CNTN4: variants seen among roughly 807,000 people sequenced by gnomAD.
The protein encoded by CNTN4 is contactin-4.
CNTN4 carries 77 observed loss-of-function variants against 122.5 expected under a neutral mutation model. The observed-to-expected ratio is 0.63, with a 90% CI of 0.52 to 0.76. CNTN4 has a LOEUF of 0.76. Among genes scored for constraint, CNTN4 ranks in the 30% least tolerant of loss-of-function variants. CNTN4 has a pLI of 0.00. For synonymous variants in CNTN4, 512 were observed against 447.0 expected (o/e 1.15, Z -1.83); for missense variants, 1,256 against 1,259.1 (o/e 1.00, Z 0.04).
chr3:2,627,783 G>A (rs763032403), intron 4 of CNTN4, among the ~76,000 whole-genome samples: 27 of 152,110 alleles, frequency 1.8e-4, no homozygotes, highest in South Asian at 4.1e-4. Flanking sequence ...GTGAGCCACC[G>A]TGCCTGGCCA....
At chr3:2,669,958 C>T (rs546212696) in intron 4 of CNTN4, among the ~76,000 whole-genome samples, 10 of 152,286 alleles carry the variant, frequency 6.6e-5, no homozygotes, top group African/African-American at 2.4e-4. Context: ...GTCTGACAGA[C>T]AATTTGTTAT....
rs1350525303 is a variant in CNTN4, at chr3:2,845,272, T to C, written c.455-21480T>C. Among the ~76,000 whole-genome samples the C allele has an allele frequency of 2.0e-5, 3 of 152,230 alleles. No individual in the cohort carries two copies. In the East Asian group the frequency reaches 5.8e-4, roughly 29 times the overall value. On this transcript the variant is annotated intron_variant, in intron 7 of 24. Transcript: ENST00000418658. ...AACTCTTTTGTAAGGAAACCAAAACTGTAAATGAGAGTTGTCAATGCATGA... is the reference window on the plus strand; with the variant it reads ...AACTCTTTTGTAAGGAAACCAAAACCGTAAATGAGAGTTGTCAATGCATGA...
chr3:2,806,420 G>C (rs1218481138), intron 6 of CNTN4, among the ~76,000 whole-genome samples: 1 of 152,192 alleles, frequency 6.6e-6, no homozygotes, highest in Non-Finnish European at 1.5e-5. Flanking sequence ...AGGGAGGGCT[G>C]TCAGGCCGCA....
chr3:2,108,468 T>G (rs2032648194), intron 2 of CNTN4, among the ~76,000 whole-genome samples: 1 of 152,188 alleles, frequency 6.6e-6, no homozygotes, highest in Non-Finnish European at 1.5e-5. Flanking sequence ...AGGAAAGTCT[T>G]GATCAAGCCA....
At chr3:2,237,990 G>A (rs1030230841) in intron 2 of CNTN4, among the ~76,000 whole-genome samples, 2 of 151,926 alleles carry the variant, frequency 1.3e-5, no homozygotes, top group African/African-American at 4.8e-5. Flanking sequence ...TAAATCCAGT[G>A]AAGAACGTTT....
At chr3:2,349,737 G>C (rs1037205302) in intron 3 of CNTN4, among the ~76,000 whole-genome samples, 1 of 152,166 alleles carries the variant, frequency 6.6e-6, no homozygotes, top group African/African-American at 2.4e-5. Context: ...CGTGGACTCA[G>C]ATAATCTTAC....
At chr3:2,274,799 G>A (rs1034341319) in intron 2 of CNTN4, among the ~76,000 whole-genome samples, 3 of 152,162 alleles carry the variant, frequency 2.0e-5, no homozygotes, top group South Asian at 2.1e-4. Flanking sequence ...GAGTAAAAAT[G>A]TTAAATATTT....
At chr3:2,425,323 A>C (rs2047782382) in intron 3 of CNTN4, among the ~76,000 whole-genome samples, 1 of 152,162 alleles carries the variant, frequency 6.6e-6, no homozygotes, top group Non-Finnish European at 1.5e-5. Context: ...TTTATTAAAT[A>C]GGGAATCCTT....
At chr3:2,521,841 A>G (rs150917926) in intron 3 of CNTN4, among the ~76,000 whole-genome samples, 96 of 152,128 alleles carry the variant, frequency 6.3e-4, no homozygotes, top group South Asian at 2.1e-3. Context: ...TTTTTCTACT[A>G]TCAGAGGGCT....
intron 2 of CNTN4, among the ~76,000 whole-genome samples, chr3:2,118,422 G>T (rs9842506): frequency 0.23 from 35,389 of 152,126 alleles, 4,648 homozygotes; most frequent in Admixed American, 0.35. Context: ...TGCAAGGAAG[G>T]TGAATCTTCA....
rs1003350999 is a variant in CNTN4, at chr3:2,470,698, C to T, written c.-88-100718C>T. Among the ~76,000 whole-genome samples, 13 of 152,266 alleles carry T rather than the reference C, an allele frequency of 8.5e-5. No individual in the cohort carries two copies. In the East Asian group the frequency reaches 2.1e-3, roughly 25 times the overall value. ...TCTAATAGTCTCTAACCCATAAGAA[C>T]GAATGTTACTTCTTACCCACTTGAG... On this transcript the variant is annotated intron_variant, in intron 3 of 24. Transcript: ENST00000418658.
chr3:2,194,928 T>C (rs1176943207), intron 2 of CNTN4, among the ~76,000 whole-genome samples: 1 of 152,154 alleles, frequency 6.6e-6, no homozygotes, highest in Admixed American at 6.5e-5. Flanking sequence ...AGCCACCCAA[T>C]TTGTAGTACT....
chr3:2,556,157 A>C (rs959779633), intron 3 of CNTN4, among the ~76,000 whole-genome samples: 1 of 152,156 alleles, frequency 6.6e-6, no homozygotes, highest in Non-Finnish European at 1.5e-5. Flanking sequence ...AGGCTTTATT[A>C]TGTATTTATA....
chr3:2,776,600 C>G (rs1471032203), intron 6 of CNTN4, among the ~76,000 whole-genome samples: 1 of 152,146 alleles, frequency 6.6e-6, no homozygotes, highest in Non-Finnish European at 1.5e-5. Context: ...GCCCTCTACT[C>G]TTGGTAGAAT....
intron 3 of CNTN4, among the ~76,000 whole-genome samples, chr3:2,463,767 T>A (rs1018719606): frequency 3.3e-5 from 5 of 150,854 alleles, no homozygotes; most frequent in Non-Finnish European, 7.4e-5. Context: ...TCAAAAAAAA[T>A]AAATAAAATA....
chr3:2,491,148 T>C (rs1254361896), intron 3 of CNTN4, among the ~76,000 whole-genome samples: 1 of 152,144 alleles, frequency 6.6e-6, no homozygotes, highest in Non-Finnish European at 1.5e-5. Context: ...GCCTAATATA[T>C]CTCTTTTCTC....
chr3:2,448,495 G>A (rs922757511), intron 3 of CNTN4, among the ~76,000 whole-genome samples: 4 of 152,138 alleles, frequency 2.6e-5, no homozygotes, highest in African/African-American at 9.7e-5. Context: ...ATGAACTTGA[G>A]AATTGTCCTC....
intron 4 of CNTN4, among the ~76,000 whole-genome samples, chr3:2,727,329 T>C (rs1367177186): frequency 6.6e-6 from 1 of 152,262 alleles, no homozygotes; most frequent in Non-Finnish European, 1.5e-5. Flanking sequence ...AATATTCACA[T>C]TGAGTCTATA....
At chr3:2,728,314 A>T in intron 4 of CNTN4, among the ~76,000 whole-genome samples, 1 of 152,164 alleles carries the variant, frequency 6.6e-6, no homozygotes. Context: ...GCCAAAATGC[A>T]TTTCCCTAAT....
Sources: gnomAD v4.1 joint callset for allele counts (sites outside exome capture counted in the v4.1 genomes callset) on GRCh38, gnomAD v4.1.1 for gene constraint, MANE v1.5 for transcripts, NCBI Gene and HGNC (gene_info 2026-07-23, HGNC 2026-07-21) for gene names.